GPR137C: variants seen among roughly 807,000 people sequenced by gnomAD.
GPR137C encodes integral membrane protein GPR137C.
Under a neutral mutation model 43.4 loss-of-function variants are expected in GPR137C, and 27 were observed. The observed-to-expected ratio is 0.62, with a 90% CI of 0.46 to 0.86. GPR137C has a LOEUF of 0.86. GPR137C is among the 40% of genes least tolerant of loss of function. The pLI is 0.00. For synonymous variants in GPR137C, 285 were observed against 226.9 expected, an observed-to-expected ratio of 1.26 and a Z score of -2.30; for missense variants, 522 against 534.6, an observed-to-expected ratio of 0.98 and a Z score of 0.23.
At chr14:52,594,343 C>G (rs930625949) in intron 1 of GPR137C, among the ~76,000 whole-genome samples, 1 of 152,158 alleles carries the variant, frequency 6.6e-6, no homozygotes, top group Non-Finnish European at 1.5e-5. Context: ...ATTAGGTCTG[C>G]TTGGTGCAGA....
chr14:52,570,616 GAC>G (rs1304143706), intron 1 of GPR137C, among the ~76,000 whole-genome samples: 1 of 151,610 alleles, frequency 6.6e-6, no homozygotes, highest in Admixed American at 6.6e-5. Context: ...CACCTGCAAA[GAC>G]ACATATAGGC....
intron 1 of GPR137C, among the ~76,000 whole-genome samples, chr14:52,560,897 T>C (rs963091746): frequency 3.3e-5 from 5 of 152,258 alleles, no homozygotes; most frequent in Admixed American, 3.3e-4. Flanking sequence ...AAAACTTTTG[T>C]TTTTTGCAAG....
At chr14:52,584,201 G>A (rs1261635687) in intron 1 of GPR137C, among the ~76,000 whole-genome samples, 3 of 152,094 alleles carry the variant, frequency 2.0e-5, no homozygotes, top group African/African-American at 4.8e-5. Flanking sequence ...TTTTTATAAT[G>A]TGTCAACCTA....
At chr14:52,589,975 G>A (rs1177680043) in intron 1 of GPR137C, among the ~76,000 whole-genome samples, 7 of 152,084 alleles carry the variant, frequency 4.6e-5, no homozygotes, top group South Asian at 2.1e-4. Flanking sequence ...TTTTAGAATG[G>A]CTTTCTACTT....
At chr14:52,566,957 C>CA (rs1020923620) in intron 1 of GPR137C, among the ~76,000 whole-genome samples, 5 of 152,028 alleles carry the variant, frequency 3.3e-5, no homozygotes, top group African/African-American at 9.7e-5. Context: ...ACTAAAAATA[C>CA]AAAAAATTAG....
At chr14:52,627,786 A>G (rs556949083) in intron 3 of GPR137C, among the ~76,000 whole-genome samples, 12 of 152,174 alleles carry the variant, frequency 7.9e-5, no homozygotes, top group Admixed American at 2.0e-4. Context: ...GGAGGTTGCA[A>G]TGAGCCAAGA....
intron 3 of GPR137C, among the ~76,000 whole-genome samples, chr14:52,618,945 G>A (rs2039129573): frequency 6.6e-6 from 1 of 152,050 alleles, no homozygotes; most frequent in South Asian, 2.1e-4. Flanking sequence ...TTTTATATCT[G>A]GATAAGGGTA....
intron 1 of GPR137C, among the ~76,000 whole-genome samples, chr14:52,592,274 G>A (rs72684254): frequency 0.11 from 16,019 of 152,120 alleles, 1,177 homozygotes; most frequent in East Asian, 0.36. Flanking sequence ...CTCCAGCTTC[G>A]TTCTTTTTGC....
chr14:52,601,211 T>G (rs1423435240), intron 3 of GPR137C, among the ~76,000 whole-genome samples: 3 of 152,192 alleles, frequency 2.0e-5, no homozygotes, highest in African/African-American at 7.2e-5. Context: ...AAATACATTT[T>G]TACAATCACT....
intron 1 of GPR137C, among the ~76,000 whole-genome samples, chr14:52,564,747 A>G (rs966070867): frequency 3.9e-5 from 6 of 152,180 alleles, no homozygotes; most frequent in Admixed American, 3.9e-4. Flanking sequence ...TTCTTGCTGT[A>G]TTAGGTATTG....
intron 1 of GPR137C, among the ~76,000 whole-genome samples, chr14:52,585,887 A>G (rs868135985): frequency 9.9e-5 from 15 of 152,226 alleles, no homozygotes; most frequent in African/African-American, 3.4e-4. Context: ...AGAGTGAAAG[A>G]CCGTTTATCA....
intron 3 of GPR137C, among the ~76,000 whole-genome samples, chr14:52,629,752 G>A (rs369268127): frequency 4.9e-4 from 74 of 152,138 alleles, no homozygotes; most frequent in African/African-American, 1.6e-3. Context: ...TGGAGATTTG[G>A]GTTACATGTG....
intron 1 of GPR137C, among the ~76,000 whole-genome samples, chr14:52,558,851 A>C (rs1333353617): frequency 6.6e-6 from 1 of 152,234 alleles, no homozygotes; most frequent in Non-Finnish European, 1.5e-5. Flanking sequence ...TCTTAGGAAA[A>C]AAAATCACTC....
At chr14:52,554,479 G>T (rs1367951772) in intron 1 of GPR137C, among the ~76,000 whole-genome samples, 1 of 152,118 alleles carries the variant, frequency 6.6e-6, no homozygotes, top group Non-Finnish European at 1.5e-5. Context: ...ACAGGTTTGG[G>T]AGTGTAAGGT....
At chr14:52,617,449 CAGGTGGATCACTTG>C (rs1246439574) in intron 3 of GPR137C, among the ~76,000 whole-genome samples, 3 of 152,098 alleles carry the variant, frequency 2.0e-5, no homozygotes, top group African/African-American at 7.2e-5. Flanking sequence ...GAGGCTGAGG[CAGGTGGATCACTTG>C]AGGTCAGGAG....
At chr14:52,569,721 G>A (rs1004173297) in intron 1 of GPR137C, among the ~76,000 whole-genome samples, 1 of 151,746 alleles carries the variant, frequency 6.6e-6, no homozygotes, top group African/African-American at 2.4e-5. Flanking sequence ...ATGAAATAAA[G>A]CGTGAAGACA....
At chr14:52,619,592 A>G (rs1262893288) in intron 3 of GPR137C, among the ~76,000 whole-genome samples, 1 of 152,062 alleles carries the variant, frequency 6.6e-6, no homozygotes, top group Non-Finnish European at 1.5e-5. Context: ...GCTTACACTT[A>G]GGTTTATATC....
intron 3 of GPR137C, among the ~76,000 whole-genome samples, chr14:52,602,833 A>G (rs1192370702): frequency 2.0e-5 from 3 of 152,024 alleles, no homozygotes; most frequent in Non-Finnish European, 4.4e-5. Flanking sequence ...TTTTTAATTG[A>G]CGTCATATTT....
chr14:52,616,063 GTTT>G (rs2039095326), intron 3 of GPR137C, among the ~76,000 whole-genome samples: 1 of 152,128 alleles, frequency 6.6e-6, no homozygotes, highest in South Asian at 2.1e-4. Flanking sequence ...AGAGCAATAT[GTTT>G]TCTCAAGTAC....
Sources: allele counts gnomAD v4.1 joint callset (sites outside exome capture counted in the v4.1 genomes callset), GRCh38; gene constraint gnomAD v4.1.1; transcripts MANE v1.5; gene names NCBI Gene and HGNC (gene_info 2026-07-23, HGNC 2026-07-21).